ALLC: variants seen among roughly 807,000 people sequenced by gnomAD.
ALLC encodes the protein probable inactive allantoicase.
A neutral mutation model predicts 45.0 loss-of-function variants in ALLC; 40 were observed. The ratio of observed to expected loss-of-function variants is 0.89; its 90% CI spans 0.69 to 1.16. The LOEUF is 1.16. Ranked by LOEUF, ALLC falls within the 50% of genes most tolerant of loss-of-function variation. ALLC has a pLI of 0.00. For synonymous variants in ALLC, 176 were observed against 178.1 expected (o/e 0.99, Z 0.09); for missense variants, 488 against 493.1 (o/e 0.99, Z 0.10).
intron 4 of ALLC, among the ~76,000 whole-genome samples, chr2:3,679,188 T>C (rs1378861523): frequency 6.6e-6 from 1 of 152,244 alleles, no homozygotes; most frequent in Admixed American, 6.5e-5. Flanking sequence ...TATTTCTAGT[T>C]TTCTAACTTT....
chr2:3,649,912 C>T, the ALLC span, among the ~76,000 whole-genome samples: 2 of 152,240 alleles, frequency 1.3e-5, no homozygotes, highest in Non-Finnish European at 2.9e-5. Flanking sequence ...AGTGTTACAA[C>T]GAAGCAAGGT....
chr2:3,700,149 T>G (rs1667786106), intron 10 of ALLC, among the ~76,000 whole-genome samples: 1 of 152,262 alleles, frequency 6.6e-6, no homozygotes, highest in Admixed American at 6.5e-5. Context: ...ATTTAAGCCT[T>G]TAATCAATCT....
the ALLC span, among the ~76,000 whole-genome samples, chr2:3,652,095 T>C: frequency 6.6e-6 from 1 of 152,310 alleles, no homozygotes; most frequent in Non-Finnish European, 1.5e-5. Flanking sequence ...TTTTGGGAGC[T>C]CGCAGGAATT....
chr2:3,667,454 T>C (rs1292569194), intron 1 of ALLC, among the ~76,000 whole-genome samples: 2 of 152,244 alleles, frequency 1.3e-5, no homozygotes, highest in Non-Finnish European at 2.9e-5. Context: ...TCCAGCGCTC[T>C]TCCAGGGGCT....
intron 7 of ALLC, among the ~76,000 whole-genome samples, chr2:3,691,253 A>AC: frequency 6.8e-6 from 1 of 147,164 alleles, no homozygotes; most frequent in East Asian, 2.0e-4. Flanking sequence ...TTTATCCTTG[A>AC]CTTTTTTTTT....
At chr2:3,666,509 G>A (rs559237155) in intron 1 of ALLC, among the ~76,000 whole-genome samples, 6 of 151,916 alleles carry the variant, frequency 3.9e-5, no homozygotes, top group African/African-American at 7.2e-5. Context: ...ACCCGCCCAC[G>A]CTGCAGCCTC....
In ALLC at chr2:3,701,540, T is replaced by G; in HGVS notation, c.879T>G (p.Asp293Glu). The change falls in exon 11 of 12, where the codon GAT becomes GAG. Residue 293 changes from aspartate to glutamate, a missense_variant. Coordinates refer to ENST00000252505, the MANE Select transcript of ALLC (RefSeq NM_018436.4). Reference protein sequence around the residue: ...EGNAPDSCKVDGCILTTQEEE... With the variant: ...EGNAPDSCKVEGCILTTQEEE... ...ATGCTCCTGACAGCTGTAAAGTGGA[T>G]GGGTGCATCCTGACAACTCAGGAAG... 6.3e-7 allele frequency: 1 copy of G among 1,593,538 alleles called. No individual in the cohort carries two copies. Among genetic ancestry groups the G allele is most frequent in the Non-Finnish European group, 8.5e-7 (1 of 1,171,810 alleles).
At chr2:3,672,201 G>A (rs1375709781) in intron 2 of ALLC, among the ~76,000 whole-genome samples, 1 of 114,550 alleles carries the variant, frequency 8.7e-6, no homozygotes, top group Non-Finnish European at 1.8e-5. Context: ...CTGATTAGAT[G>A]GGAGGTCCTC....
At chr2:3,671,737 G>A (rs1246830142) in intron 2 of ALLC, among the ~76,000 whole-genome samples, 2 of 148,910 alleles carry the variant, frequency 1.3e-5, no homozygotes, top group Admixed American at 6.6e-5. Flanking sequence ...TTAGATGGGA[G>A]GTCCTCTGGC....
chr2:3,654,515 T>C (rs1666400140), upstream of ALLC, among the ~76,000 whole-genome samples: 2 of 152,308 alleles, frequency 1.3e-5, no homozygotes, highest in South Asian at 4.1e-4. Flanking sequence ...AGCTTGCTCC[T>C]TAGGGTTGTG....
chr2:3,657,130 C>T (rs1666461554), upstream of ALLC, among the ~76,000 whole-genome samples: 1 of 151,930 alleles, frequency 6.6e-6, no homozygotes, highest in Non-Finnish European at 1.5e-5. Context: ...GATGGGCAGA[C>T]AGATGTGTAA....
At chr2:3,678,356 C>A in intron 3 of ALLC, 112 bp from the exon 4 acceptor site, 1 of 858,222 alleles carries the variant, frequency 1.2e-6, no homozygotes, top group Non-Finnish European at 1.9e-6. Context: ...AGAGGCTCCC[C>A]TAGACCCCGG....
upstream of ALLC, among the ~76,000 whole-genome samples, chr2:3,653,259 C>G (rs111714515): frequency 0.042 from 6,430 of 152,294 alleles, 474 homozygotes; most frequent in African/African-American, 0.14. The surrounding 1 kb of genome is among the most constrained non-coding windows in gnomAD (Gnocchi z 4.1). Context: ...ATAGACTCTG[C>G]CCATGATGGG....
At chr2:3,690,092 A>G (rs1439121947) in intron 7 of ALLC, among the ~76,000 whole-genome samples, 1 of 148,860 alleles carries the variant, frequency 6.7e-6, no homozygotes, top group African/African-American at 2.4e-5. Flanking sequence ...TTATAGGTCA[A>G]GTGGGTTTCT....
intron 9 of ALLC, 40 bp from the exon 10 acceptor site, chr2:3,697,308 T>A (rs1238240735): frequency 6.5e-7 from 1 of 1,542,492 alleles, no homozygotes; most frequent in Non-Finnish European, 9.0e-7. Context: ...CTTGAATGAC[T>A]CCAAGTTCGT....
chr2:3,689,994 T>C (rs1667431084), intron 7 of ALLC, among the ~76,000 whole-genome samples: 1 of 148,846 alleles, frequency 6.7e-6, no homozygotes, highest in African/African-American at 2.4e-5. Flanking sequence ...TTTTATCTGA[T>C]ATAAGTGTAG....
chr2:3,660,167 C>T (rs1666536093), intron 1 of ALLC, among the ~76,000 whole-genome samples: 1 of 152,148 alleles, frequency 6.6e-6, no homozygotes, highest in East Asian at 1.9e-4. Context: ...GACGGTTCTT[C>T]CTCTGTTAGT....
intron 7 of ALLC, among the ~76,000 whole-genome samples, chr2:3,684,251 CTCTG>C (rs1416625305): frequency 6.6e-6 from 1 of 152,174 alleles, no homozygotes; most frequent in Non-Finnish European, 1.5e-5. Flanking sequence ...TCCCAGCACT[CTCTG>C]TCTTACTTTT....
intron 10 of ALLC, among the ~76,000 whole-genome samples, chr2:3,699,490 T>C (rs1363523016): frequency 1.3e-5 from 2 of 152,222 alleles, no homozygotes; most frequent in African/African-American, 4.8e-5. Flanking sequence ...TATGGCAGAA[T>C]GATTTATATT....
Sources: gnomAD v4.1 joint callset for allele counts (sites outside exome capture counted in the v4.1 genomes callset) on GRCh38, gnomAD v4.1.1 for gene constraint, Gnocchi (gnomAD v3.1) non-coding constraint, MANE v1.5 for transcripts, NCBI Gene and HGNC (gene_info 2026-07-23, HGNC 2026-07-21) for gene names.